The following TMEM131 variants were observed in gnomAD, a reference collection of about 807,000 sequenced individuals.
TMEM131 encodes the protein 2610524E03Rik.
A neutral mutation model predicts 211.6 loss-of-function variants in TMEM131; 66 were observed. That is an observed-to-expected ratio of 0.31 (90% CI 0.26 to 0.38). TMEM131 has a LOEUF of 0.38. TMEM131 is among the 10% of genes least tolerant of loss of function. TMEM131 has a pLI of 1.00. For missense variants in TMEM131, 2,036 were observed against 2,299.3 expected, an observed-to-expected ratio of 0.89 and a Z score of 2.34; for synonymous variants, 844 against 841.3, an observed-to-expected ratio of 1.00 and a Z score of -0.06.
chr2:97,775,894 G>A lies in TMEM131; in HGVS notation c.4269C>T (p.Ser1423=). ...LKDSLADDDS[S]STTTETSNPD... Reference sequence around the variant, plus strand: ...GGTTGGAGGTCTCTGTGGTGGTGGAGGAGCTATCATCATCAGCCAAAGAGT... The same window carrying A: ...GGTTGGAGGTCTCTGTGGTGGTGGAAGAGCTATCATCATCAGCCAAAGAGT... Residue 1423 remains serine (S), a synonymous_variant, in exon 32 of 41, where the codon TCC becomes TCT. Coordinates refer to ENST00000186436, the MANE Select transcript of TMEM131 (RefSeq NM_015348.2). The A allele has an allele frequency of 6.2e-7, 1 of 1,613,950 alleles. No individual in the cohort carries two copies. The highest frequency in any genetic ancestry group is 2.2e-5 in the East Asian group (1 of 44,888).
At chr2:97,973,363 C>T (rs1679390431) in intron 1 of TMEM131, among the ~76,000 whole-genome samples, 1 of 152,178 alleles carries the variant, frequency 6.6e-6, no homozygotes, top group African/African-American at 2.4e-5. Flanking sequence ...CAACGAAGGA[C>T]ATGGGAAACA....
Position 97,793,439 on chromosome 2 carries a change from C to T in TMEM131, c.3501G>A (p.Arg1167=). 1 of 1,613,924 alleles carries T rather than the reference C, an allele frequency of 6.2e-7. No individual in the cohort carries two copies. The highest frequency in any genetic ancestry group is 8.5e-7 in the Non-Finnish European group (1 of 1,179,856). The stretch of plus-strand genomic sequence containing the variant: ...CAACGATTCTCCTGAGATCAAATGG[C>T]CTTCCCACATCGAAGGGCGGGTTCG... ...EASNPPFDVG[R]PFDLRRIVGI... The change falls in exon 30 of 41, where the codon AGG becomes AGA. Residue 1167 remains arginine (R), a synonymous_variant. Coordinates refer to ENST00000186436, the MANE Select transcript of TMEM131 (RefSeq NM_015348.2).
intron 25 of TMEM131, among the ~76,000 whole-genome samples, chr2:97,797,822 T>A (rs1416013710): frequency 3.3e-5 from 5 of 152,238 alleles, no homozygotes; most frequent in Admixed American, 3.3e-4. Context: ...CCTAAAAATT[T>A]GAAATATTCC....
intron 1 of TMEM131, among the ~76,000 whole-genome samples, chr2:97,960,415 T>G (rs1356148106): frequency 6.6e-6 from 1 of 152,194 alleles, no homozygotes; most frequent in Non-Finnish European, 1.5e-5. Context: ...ATTACTTTTT[T>G]TTTTGATGTT....
intron 2 of TMEM131, chr2:97,913,143 C>T (rs1490358326): frequency 6.6e-6 from 1 of 152,124 alleles, no homozygotes; most frequent in Non-Finnish European, 1.5e-5. Flanking sequence ...TGTCGCAAAT[C>T]AGGGGGCCAC....
At chr2:97,943,007 G>GAAAGAAAAGAAAAGAAAAGA (rs779189031) in intron 1 of TMEM131, among the ~76,000 whole-genome samples, 21 of 63,072 alleles carry the variant, frequency 3.3e-4, no homozygotes, top group Non-Finnish European at 4.9e-4. Context: ...AGAAAGAAAA[G>GAAAGAAAAGAAAAGAAAAGA]AAAGAAAAGA....
At chr2:97,797,313 G>A (rs1680815262) in intron 26 of TMEM131, 52 bp downstream of exon 26, 2 of 1,463,724 alleles carry the variant, frequency 1.4e-6, no homozygotes, top group Non-Finnish European at 1.8e-6. Flanking sequence ...AACAAGTGAG[G>A]ACTTCTAAGT....
intron 39 of TMEM131, 135 bp downstream of exon 39, chr2:97,759,517 C>G (rs1240712800): frequency 1.4e-6 from 1 of 731,284 alleles, no homozygotes. Context: ...GGGAGGGGAC[C>G]CTTCCCAGGG....
At chr2:97,816,282 A>C (rs377084505) in intron 12 of TMEM131, among the ~76,000 whole-genome samples, 2 of 152,324 alleles carry the variant, frequency 1.3e-5, no homozygotes, top group African/African-American at 4.8e-5. Flanking sequence ...TGGAGGCTGC[A>C]GTGAGCCGAG....
chr2:97,892,048 A>G (rs933192640), intron 3 of TMEM131, among the ~76,000 whole-genome samples: 1 of 152,108 alleles, frequency 6.6e-6, no homozygotes, highest in African/African-American at 2.4e-5. Flanking sequence ...AGCTAAATAA[A>G]CAGTGATTTA....
intron 3 of TMEM131, among the ~76,000 whole-genome samples, chr2:97,900,993 C>T (rs1477753281): frequency 6.6e-6 from 1 of 152,076 alleles, no homozygotes; most frequent in East Asian, 1.9e-4. Flanking sequence ...TTCATATAAC[C>T]GTTAGTCATT....
At chr2:97,765,713 T>C (rs1679129365) in intron 35 of TMEM131, among the ~76,000 whole-genome samples, 1 of 152,218 alleles carries the variant, frequency 6.6e-6, no homozygotes, top group African/African-American at 2.4e-5. Context: ...GATGGAATTC[T>C]TACAAAAACA....
intron 1 of TMEM131, among the ~76,000 whole-genome samples, chr2:97,928,698 G>A (rs1159749117): frequency 1.3e-5 from 2 of 151,678 alleles, no homozygotes; most frequent in Non-Finnish European, 2.9e-5. Context: ...TTTTTCCCAT[G>A]GGAGTTTGGG....
chr2:97,931,912 C>G (rs1677236657), intron 1 of TMEM131, among the ~76,000 whole-genome samples: 1 of 152,184 alleles, frequency 6.6e-6, no homozygotes, highest in Non-Finnish European at 1.5e-5. Flanking sequence ...CTTCTCAGAG[C>G]AGCCCAGTTA....
chr2:97,852,690 A>G (rs1673676666), intron 5 of TMEM131, among the ~76,000 whole-genome samples: 1 of 152,268 alleles, frequency 6.6e-6, no homozygotes, highest in Non-Finnish European at 1.5e-5. Context: ...AGCTAAGATC[A>G]TTGATGAACG....
intron 3 of TMEM131, among the ~76,000 whole-genome samples, chr2:97,898,137 T>C (rs964890777): frequency 6.6e-6 from 1 of 152,138 alleles, no homozygotes; most frequent in African/African-American, 2.4e-5. Context: ...TACATTGATT[T>C]TTTTTCACTT....
chr2:97,853,074 G>A (rs750568107), intron 5 of TMEM131, among the ~76,000 whole-genome samples: 2 of 152,214 alleles, frequency 1.3e-5, no homozygotes, highest in Non-Finnish European at 2.9e-5. Context: ...TGGTCACCCA[G>A]GAGCTCTGAT....
intron 35 of TMEM131, among the ~76,000 whole-genome samples, chr2:97,765,760 T>C (rs983122131): frequency 3.9e-5 from 6 of 152,144 alleles, no homozygotes; most frequent in Non-Finnish European, 5.9e-5. Flanking sequence ...AGGTAAAGGA[T>C]AGCTAAGTCA....
At chr2:97,938,976 C>T (rs1413983923) in intron 1 of TMEM131, among the ~76,000 whole-genome samples, 3 of 152,110 alleles carry the variant, frequency 2.0e-5, no homozygotes, top group African/African-American at 7.2e-5. Context: ...TTCTTTGAAA[C>T]CAATGAGAAC....
Sources: gnomAD v4.1 joint callset for allele counts (sites outside exome capture counted in the v4.1 genomes callset) on GRCh38, gnomAD v4.1.1 for gene constraint, MANE v1.5 for transcripts, NCBI Gene and HGNC (gene_info 2026-07-23, HGNC 2026-07-21) for gene names.